Variants in MUC5AC observed in about 807,000 individuals in gnomAD.
The protein encoded by MUC5AC is mucin 5AC, oligomeric mucus/gel-forming, also known as mucin-5AC.
In MUC5AC, 158 loss-of-function variants were observed where a neutral mutation model predicts 169.7. The ratio of observed to expected loss-of-function variants is 0.93; its 90% CI spans 0.82 to 1.06. The LOEUF is 1.06. MUC5AC is among the 50% of genes least tolerant of loss of function. The pLI is 0.00. For missense variants in MUC5AC, 4,359 were observed against 3,089.9 expected (o/e 1.41, Z -9.74); for synonymous variants, 1,975 against 1,237.0 (o/e 1.60, Z -12.52).
In MUC5AC at chr11:1,185,741, C is replaced by T; in HGVS notation, c.7596C>T (p.Pro2532=). The T allele has an allele frequency of 1.4e-6, 1 of 733,396 alleles. No homozygotes were observed. Among genetic ancestry groups the T allele is most frequent in the South Asian group, 1.4e-5 (1 of 71,838 alleles). The allele number at this position is 733,396 out of a possible 1,614,324, so 45.4% of individuals were successfully genotyped here. The change falls in exon 31 of 49, where the codon CCC becomes CCT. Residue 2532 remains proline, a synonymous_variant. Coordinates refer to ENST00000621226, the MANE Select transcript of MUC5AC (RefSeq NM_001304359.2). ...TSTTSGAGTT[P]SPVPTTSTTS... The stretch of plus-strand genomic sequence containing the variant: ...CAACCTCTGGTGCTGGAACTACTCC[C>T]AGCCCTGTTCCCACCACCAGCACAA...
At position 1,168,845 on chromosome 11, in the gene MUC5AC, G is replaced by C. The variant is rs1860409982; in HGVS notation, c.1706-17G>C. ...GGCCAGGGCGCATGGTCCTCAACCT[G>C]CCTAACCCGCCCCCAGGTCTCTGTG... On this transcript the variant is annotated splice_polypyrimidine_tract_variant and intron_variant, in intron 14 of 48. Transcript: ENST00000621226. The C allele has an allele frequency of 6.3e-6, 10 of 1,581,140 alleles. No individual in the cohort carries two copies. Among genetic ancestry groups the C allele is most frequent in the African/African-American group, 1.3e-5 (1 of 74,142 alleles).
At chr11:1,162,278 C>T (rs1224088732) in intron 4 of MUC5AC, 110 bp downstream of exon 4, 3 of 1,476,400 alleles carry the variant, frequency 2.0e-6, no homozygotes, top group Admixed American at 4.3e-5. Context: ...TCAGGAAGCC[C>T]CTGAGAGCAG....
In MUC5AC at chr11:1,191,609, C is replaced by T. The variant is rs767281696; in HGVS notation, c.13464C>T (p.Ser4488=). The T allele has an allele frequency of 1.4e-6, 1 of 707,356 alleles. No homozygotes were observed. The highest frequency in any genetic ancestry group is 2.6e-6 in the Non-Finnish European group (1 of 389,492). The allele number at this position is 707,356 out of a possible 1,614,324, so 43.8% of individuals were successfully genotyped here. A position where few individuals can be genotyped will look rare whatever the true frequency, so the allele number is the denominator to read the frequency against. Reference sequence around the variant, plus strand: ...CTCCCAGCCCTGTTCCCACCACCAGCACAACCTCTGCTCCTACAACCAGCA... The same window carrying T: ...CTCCCAGCCCTGTTCCCACCACCAGTACAACCTCTGCTCCTACAACCAGCA... The part of the protein sequence containing the change: ...GTTPSPVPTT[S]TTSAPTTSTT... Residue 4488 remains serine (S), a synonymous_variant, in exon 31 of 49, where the codon AGC becomes AGT. Coordinates refer to ENST00000621226, the MANE Select transcript of MUC5AC (RefSeq NM_001304359.2).
rs1244550511 is a variant in MUC5AC, at chr11:1,173,619, A to G, written c.1966-877A>G. On this transcript the variant is annotated intron_variant, in intron 16 of 48. Coordinates refer to ENST00000621226, the MANE Select transcript of MUC5AC (RefSeq NM_001304359.2). ...CATCCACTCACTCACTCATCCACTC[A>G]TTACTCATCCACTCACTCATCCACT... 3.6e-5 allele frequency among the ~76,000 whole-genome samples: 5 copies of G among 139,216 alleles called. No individual in the cohort carries two copies. The East Asian group carries it at 8.9e-4, about 25-fold the overall frequency. 91.3% of individuals were successfully genotyped at this position (139,216 alleles called of 152,430 possible).
Position 1,189,174 on chromosome 11 carries a change from A to G in MUC5AC, c.11029A>G (p.Thr3677Ala). Residue 3677 changes from threonine (T) to alanine (A), a missense_variant, in exon 31 of 49, where the codon ACA becomes GCA. Transcript: ENST00000621226. ...ACAGACCAGCACAACCTCTGCCCCT[A>G]CAACTAGCACAACCCCTGCTTCTAT... The part of the protein sequence containing the change: ...TTQTSTTSAP[T>A]TSTTPASIPS... 1.7e-6 allele frequency: 1 copy of G among 596,478 alleles called. No homozygotes were observed. The highest frequency in any genetic ancestry group is 3.0e-6 in the Non-Finnish European group (1 of 334,608). 36.9% of individuals were successfully genotyped at this position (596,478 alleles called of 1,614,324 possible).
chr11:1,164,361 G>C (rs1411032211), intron 8 of MUC5AC, 42 bp downstream of exon 8: 3 of 1,611,810 alleles, frequency 1.9e-6, no homozygotes, highest in Non-Finnish European at 2.5e-6. Flanking sequence ...CTTTGGCAGG[G>C]AGGGCAGGGG....
Position 1,161,531 on chromosome 11 carries a change from C to T in MUC5AC, c.156C>T (p.Val52=), listed in dbSNP as rs544018300. 89 of 1,606,852 alleles carry T rather than the reference C, an allele frequency of 5.5e-5. No homozygotes were observed. In the Admixed American group the frequency reaches 1.3e-3, roughly 23 times the overall value. ...TACCAGCCCCTGTCTCCGCAGGGGT[C>T]CCGCTCCGTGGGGCGACTGTCTTCC... ...LSPIARGPSG[V]PLRGATVFPS... is the part of the protein sequence containing the mutation. Residue 52 remains valine (V), a synonymous_variant, in exon 3 of 49, where the codon GTC becomes GTT. Coordinates refer to ENST00000621226, the MANE Select transcript of MUC5AC (RefSeq NM_001304359.2).
At position 1,165,682 on chromosome 11, in the gene MUC5AC, G is replaced by A. The variant is rs1860302022; in HGVS notation, c.1308G>A (p.Val436=). 1 of 1,612,496 alleles carries A rather than the reference G, an allele frequency of 6.2e-7. No homozygotes were observed. The highest frequency in any genetic ancestry group is 8.5e-7 in the Non-Finnish European group (1 of 1,179,772). The change falls in exon 11 of 49, where the codon GTG becomes GTA. Residue 436 remains valine, a synonymous_variant. Coordinates refer to ENST00000621226, the MANE Select transcript of MUC5AC (RefSeq NM_001304359.2). ...QEVPCPGTCS[V]LGGAHFSTFD... ...TTCCATGCCCGGGTACCTGCTCTGT[G>A]CTTGGAGGTGCCCACTTCTCAACGT... is the stretch of plus-strand genomic sequence containing the variant.
chr11:1,171,942 T>TCCAC (rs1554926400), intron 15 of MUC5AC, among the ~76,000 whole-genome samples: 12,155 of 84,470 alleles, frequency 0.14, 602 homozygotes, highest in Admixed American at 0.19. Flanking sequence ...CATCCACTCA[T>TCCAC]TCACTCACTC....
Position 1,162,955 on chromosome 11 carries a change from CT to C in MUC5AC, c.590del (p.Leu197ArgfsTer34). On this transcript the variant is annotated frameshift_variant and splice_region_variant, in exon 6 of 49. Transcript: ENST00000621226. LOFTEE classifies it high-confidence loss of function. The stretch of plus-strand genomic sequence containing the variant: ...GTGTCTGATGTCTCTCCCTTTGCAG[CT>C]GGAGCTGGACACCAAATACGCCAAC... Reference protein sequence around the residue: ...LMWNHDDSLLLELDTKYANKT... With the variant: ...LMWNHDDSLLXELDTKYANKT... 1 of 1,612,502 alleles carries C rather than the reference CT, an allele frequency of 6.2e-7. No individual in the cohort carries two copies.
At chr11:1,193,396 C>T (rs1000687262) in intron 32 of MUC5AC, 89 bp from the exon 33 acceptor site, 19 of 640,406 alleles carry the variant, frequency 3.0e-5, no homozygotes, top group African/African-American at 5.4e-5. Context: ...TGTCCCCACA[C>T]GGGACTCTCG....
chr11:1,184,432 G>A lies in MUC5AC; in HGVS notation c.6287G>A (p.Gly2096Asp), dbSNP rs1471589315. The change falls in exon 31 of 49, where the codon GGT becomes GAT. Residue 2096 changes from glycine to aspartate, a missense_variant. By Grantham distance (94) the Gly-to-Asp change is moderately conservative (BLOSUM62 -1). Coordinates refer to ENST00000621226, the MANE Select transcript of MUC5AC (RefSeq NM_001304359.2). ...GAGCAACCCACGGCAACCTCCAGGG[G>A]TGGGCCCACAGCAACCAGCGTCACA... The part of the protein sequence containing the change: ...STEQPTATSR[G>D]GPTATSVTQG... 11 of 564,348 alleles carry A rather than the reference G, an allele frequency of 1.9e-5. No individual in the cohort carries two copies. Among genetic ancestry groups the A allele is most frequent in the Admixed American group, 3.1e-5 (1 of 32,700 alleles). The allele number at this position is 564,348 out of a possible 1,614,324, so 35.0% of individuals were successfully genotyped here.
chr11:1,175,798 A>T (rs1197942057), intron 19 of MUC5AC, among the ~76,000 whole-genome samples: 1 of 3,510 alleles, frequency 2.8e-4, no homozygotes, highest in African/African-American at 7.9e-4. Flanking sequence ...ACGCACTCAC[A>T]CCCACCCACT....
chr11:1,176,024 A>G (rs1353410084), intron 19 of MUC5AC, 127 bp from the exon 20 acceptor site: 2 of 397,796 alleles, frequency 5.0e-6, no homozygotes, highest in East Asian at 7.1e-5. Context: ...ACATGCACTC[A>G]CACCCACTCA....
At chr11:1,161,034 C>T (rs908497672) in intron 2 of MUC5AC, among the ~76,000 whole-genome samples, 14 of 152,332 alleles carry the variant, frequency 9.2e-5, no homozygotes, top group African/African-American at 2.2e-4. Context: ...TTCAGCAACA[C>T]GGGCATCTCC....
intron 4 of MUC5AC, 63 bp from the exon 5 acceptor site, chr11:1,162,469 C>A: frequency 1.4e-6 from 2 of 1,437,856 alleles, no homozygotes; most frequent in Non-Finnish European, 1.9e-6. Flanking sequence ...CCGCAGGCAT[C>A]TGCCCTGCCT....
chr11:1,181,501 C>T, intron 30 of MUC5AC, 42 bp downstream of exon 30: 1 of 394,716 alleles, frequency 2.5e-6, no homozygotes, highest in Non-Finnish European at 4.5e-6. Flanking sequence ...TGAGCCCCCT[C>T]CCACTGCCTG....
At chr11:1,197,793 A>T in intron 41 of MUC5AC, 110 bp from the exon 42 acceptor site, 1 of 602,518 alleles carries the variant, frequency 1.7e-6, no homozygotes, top group East Asian at 2.8e-5. Context: ...TCATCTGGAG[A>T]CCCCCGAGCG....
chr11:1,199,565 T>C (rs1861370400), intron 46 of MUC5AC, 75 bp downstream of exon 46: 4 of 694,928 alleles, frequency 5.8e-6, no homozygotes, highest in Admixed American at 4.0e-5. Flanking sequence ...TGATCATCCC[T>C]GCAGCGCCAG....
Sources: gnomAD v4.1 joint callset for allele counts (sites outside exome capture counted in the v4.1 genomes callset) on GRCh38, gnomAD v4.1.1 for gene constraint, MANE v1.5 for transcripts, NCBI Gene and HGNC (gene_info 2026-07-23, HGNC 2026-07-21) for gene names.